The following CDH4 variants were observed in gnomAD, a reference collection of about 807,000 sequenced individuals.
CDH4 encodes cadherin-4.
CDH4 carries 33 observed loss-of-function variants against 86.0 expected under a neutral mutation model. The observed-to-expected ratio is 0.38, with a 90% CI of 0.29 to 0.51. The LOEUF (loss-of-function observed/expected upper bound fraction) is 0.51. CDH4 is among the 20% of genes least tolerant of loss of function. CDH4 has a pLI of 0.86. For missense variants in CDH4, 1,114 were observed against 1,307.4 expected, an observed-to-expected ratio of 0.85 and a Z score of 2.28; for synonymous variants, 555 against 549.4, an observed-to-expected ratio of 1.01 and a Z score of -0.14.
chr20:61,817,102 T>C (rs902690247), intron 4 of CDH4, among the ~76,000 whole-genome samples: 10 of 152,234 alleles, frequency 6.6e-5, no homozygotes, highest in Non-Finnish European at 1.0e-4. Context: ...TGTCTGACTG[T>C]GTTTCACCAG....
chr20:61,729,261 C>T (rs1188800108), intron 2 of CDH4, among the ~76,000 whole-genome samples: 1 of 152,168 alleles, frequency 6.6e-6, no homozygotes, highest in African/African-American at 2.4e-5. Flanking sequence ...GCGACATCGC[C>T]CACATCAAGA....
intron 2 of CDH4, among the ~76,000 whole-genome samples, chr20:61,711,097 G>A (rs2087886962): frequency 6.6e-6 from 1 of 152,212 alleles, no homozygotes; most frequent in East Asian, 1.9e-4. Context: ...CATAGGGGCA[G>A]TTCCCCCACT....
intron 1 of CDH4, among the ~76,000 whole-genome samples, chr20:61,254,235 C>G (rs1333170802): frequency 6.6e-6 from 1 of 152,188 alleles, no homozygotes; most frequent in Non-Finnish European, 1.5e-5. Context: ...GAAGCGCCCC[C>G]ACTGCCTCCT....
Position 61,516,096 on chromosome 20 carries a change from G to A in CDH4, c.170-227467G>A, listed in dbSNP as rs779175613. Among the ~76,000 whole-genome samples the A allele has an allele frequency of 4.6e-5, 7 of 152,140 alleles. No individual in the cohort carries two copies. The highest frequency in any genetic ancestry group is 4.1e-4 in the South Asian group (2 of 4,824). ...CTCCCTCACCACAGGGGCTCGCCTC[G>A]TGCTCTGCGTTGCACTGGCAGAGGG... On this transcript the variant is annotated intron_variant, in intron 2 of 15. Transcript: ENST00000614565. The surrounding 1 kb of genome is among the most constrained non-coding windows in gnomAD (Gnocchi z 4.0).
intron 2 of CDH4, among the ~76,000 whole-genome samples, chr20:61,330,684 C>T (rs924433528): frequency 3.3e-5 from 5 of 152,220 alleles, no homozygotes; most frequent in South Asian, 2.1e-4. Flanking sequence ...TTCCCACGAA[C>T]GGGGTCAGAA....
At chr20:61,814,933 C>T (rs1288807875) in intron 4 of CDH4, among the ~76,000 whole-genome samples, 5 of 152,188 alleles carry the variant, frequency 3.3e-5, no homozygotes, top group East Asian at 1.9e-4. Context: ...CTCCGCTCCC[C>T]GGCTCTGCAA....
At chr20:61,345,072 C>T (rs1415817262) in intron 2 of CDH4, among the ~76,000 whole-genome samples, 1 of 152,196 alleles carries the variant, frequency 6.6e-6, no homozygotes, top group Non-Finnish European at 1.5e-5. Context: ...TGATTTTTAT[C>T]TCGTTTGGAT....
rs181166417 is a variant in CDH4 at position 61,829,006 on chromosome 20, G to C, written c.577-15662G>C. On this transcript the variant is annotated intron_variant, in intron 4 of 15. Transcript: ENST00000614565. The surrounding 1 kb of genome is among the most constrained non-coding windows in gnomAD (Gnocchi z 4.2). ...CACAACAGGGTCCACACTCCTGTGA[G>C]AGTCTAATGCCACCACTGACATCAT... is the stretch of plus-strand genomic sequence containing the variant. Among the ~76,000 whole-genome samples, 16 of 152,334 alleles carry C rather than the reference G, an allele frequency of 1.1e-4. No homozygotes were observed. Among genetic ancestry groups the C allele is most frequent in the East Asian group, 9.7e-4 (5 of 5,180 alleles).
chr20:61,274,586 CTG>C (rs2084214716), intron 2 of CDH4, among the ~76,000 whole-genome samples: 1 of 24,412 alleles, frequency 4.1e-5, no homozygotes. Flanking sequence ...TGGGGGAGTA[CTG>C]TGTGCAGCTT....
chr20:61,268,874 C>G (rs2084169892), intron 2 of CDH4, among the ~76,000 whole-genome samples: 1 of 152,184 alleles, frequency 6.6e-6, no homozygotes. Flanking sequence ...ACTTACTCAG[C>G]CTCAGGTGTT....
Position 61,709,589 on chromosome 20 carries a change from A to AT in CDH4, c.170-33974_170-33973insT, listed in dbSNP as rs2087867968. 7.7e-6 allele frequency among the ~76,000 whole-genome samples: 1 copy of AT among 129,848 alleles called. No homozygotes were observed. The highest frequency in any genetic ancestry group is 2.6e-5 in the African/African-American group (1 of 39,156). 85.2% of individuals were successfully genotyped at this position (129,848 alleles called of 152,430 possible). A position where few individuals can be genotyped will look rare whatever the true frequency, so the allele number is the denominator to read the frequency against. On this transcript the variant is annotated intron_variant, in intron 2 of 15. Transcript: ENST00000614565. This position sits in a 1 kb window ranked among gnomAD's most constrained non-coding sequence, Gnocchi z 4.8. The stretch of plus-strand genomic sequence containing the variant: ...CTGTGCCTGGCAATTTTTGAATGAC[A>AT]ATTTTTTTTTTTTTATCGCTGGCTA...
intron 2 of CDH4, among the ~76,000 whole-genome samples, chr20:61,292,724 C>G (rs545861074): frequency 4.6e-5 from 7 of 152,276 alleles, no homozygotes; most frequent in Non-Finnish European, 1.0e-4. Context: ...TTCTTCCTAA[C>G]AGGTCTGCTT....
At chr20:61,499,306 TG>T in intron 2 of CDH4, 2 of 447,990 alleles carry the variant, frequency 4.5e-6, no homozygotes, top group Non-Finnish European at 8.0e-6. Context: ...CTGCTCACTC[TG>T]GCCAGGTACT....
At chr20:61,798,059 CCTCT>C (rs1175488938) in intron 4 of CDH4, among the ~76,000 whole-genome samples, 2 of 152,230 alleles carry the variant, frequency 1.3e-5, no homozygotes, top group Non-Finnish European at 2.9e-5. Context: ...CCACAGCCAG[CCTCT>C]CTGAGTCTCG....
At chr20:61,786,172 C>A (rs953499774) in intron 4 of CDH4, among the ~76,000 whole-genome samples, 2 of 152,142 alleles carry the variant, frequency 1.3e-5, no homozygotes, top group Admixed American at 1.3e-4. Context: ...GTTCAAACAG[C>A]GTCTCCTTCC....
chr20:61,376,525 C>A (rs1294936554), intron 2 of CDH4, among the ~76,000 whole-genome samples: 2 of 152,080 alleles, frequency 1.3e-5, no homozygotes, highest in African/African-American at 4.8e-5. Flanking sequence ...GGTGAGGAGG[C>A]TGAGGTGGAG....
chr20:61,758,232 G>A lies in CDH4; in HGVS notation c.396+14443G>A, dbSNP rs535638715. On this transcript the variant is annotated intron_variant, in intron 3 of 15. Coordinates refer to ENST00000614565, the MANE Select transcript of CDH4 (RefSeq NM_001794.5). ...ACATCCAAGTTGAGAGGTGATGTAT[G>A]GGAAGAAGCCAGCCGTGAAAAAATT... Among the ~76,000 whole-genome samples, 108 of 152,268 alleles carry A rather than the reference G, an allele frequency of 7.1e-4. 1 individual carries two copies. Among genetic ancestry groups the A allele is most frequent in the Non-Finnish European group, 1.3e-3 (91 of 68,010 alleles).
chr20:61,324,100 A>T (rs1229645273), intron 2 of CDH4, among the ~76,000 whole-genome samples: 1 of 152,076 alleles, frequency 6.6e-6, no homozygotes, highest in Non-Finnish European at 1.5e-5. Flanking sequence ...AGGGTGTGGG[A>T]GTGTGTGCGA....
At chr20:61,594,101 G>A (rs1490027031) in intron 2 of CDH4, among the ~76,000 whole-genome samples, 2 of 87,568 alleles carry the variant, frequency 2.3e-5, no homozygotes, top group East Asian at 7.0e-4. Flanking sequence ...TGACCTGAGA[G>A]GGGGAAGGGG....
Sources: gnomAD v4.1 joint callset for allele counts (sites outside exome capture counted in the v4.1 genomes callset) on GRCh38, gnomAD v4.1.1 for gene constraint, Gnocchi (gnomAD v3.1) non-coding constraint, MANE v1.5 for transcripts, NCBI Gene and HGNC (gene_info 2026-07-23, HGNC 2026-07-21) for gene names.